C11orf65: variants seen among roughly 807,000 people sequenced by gnomAD.
C11orf65 encodes the protein protein MFI.
A neutral mutation model predicts 35.3 loss-of-function variants in C11orf65; 38 were observed. The observed-to-expected ratio is 1.08, with a 90% CI of 0.83 to 1.41. The LOEUF is 1.41. Among genes scored for constraint, C11orf65 ranks in the 40% most tolerant of loss-of-function variants. The probability of loss-of-function intolerance (pLI) is 0.00; values close to 1 mark genes in which losing one functional copy is unlikely to be tolerated. For synonymous variants in C11orf65, 105 were observed against 114.4 expected (o/e 0.92, Z 0.53); for missense variants, 370 against 367.1 (o/e 1.01, Z -0.06).
intron 3 of C11orf65, among the ~76,000 whole-genome samples, chr11:108,429,494 T>C (rs1288722595): frequency 6.6e-6 from 1 of 152,202 alleles, no homozygotes; most frequent in Non-Finnish European, 1.5e-5. Flanking sequence ...AACAGATAAC[T>C]GACAAAGGGC....
chr11:108,403,887 TG>T (rs1270182978), intron 6 of C11orf65, among the ~76,000 whole-genome samples: 2 of 152,160 alleles, frequency 1.3e-5, no homozygotes, highest in South Asian at 2.1e-4. Context: ...TAGCAGTGGC[TG>T]GGGGGAAAGG....
chr11:108,340,888 C>G (rs1025491012), intron 2 of C11orf65, among the ~76,000 whole-genome samples: 1 of 152,072 alleles, frequency 6.6e-6, no homozygotes, highest in Non-Finnish European at 1.5e-5. Flanking sequence ...AATAGTTGTA[C>G]TGTATTGGTT....
intron 3 of C11orf65, among the ~76,000 whole-genome samples, chr11:108,415,746 C>T (rs1003314988): frequency 6.6e-6 from 1 of 152,126 alleles, no homozygotes; most frequent in Non-Finnish European, 1.5e-5. Flanking sequence ...CACTGTGGTA[C>T]TGGTGAAAGA....
At chr11:108,329,721 C>T (rs549863215), downstream of C11orf65, among the ~76,000 whole-genome samples, 40 of 152,190 alleles carry the variant, frequency 2.6e-4, no homozygotes, top group African/African-American at 9.1e-4. Flanking sequence ...TGTCTTGGTC[C>T]TACTGTAGTT....
intron 2 of C11orf65, among the ~76,000 whole-genome samples, chr11:108,443,160 A>T (rs2093187029): frequency 6.6e-6 from 1 of 151,834 alleles, no homozygotes; most frequent in Non-Finnish European, 1.5e-5. Flanking sequence ...AAACAAAAAA[A>T]GCAGGGGCTA....
intron 3 of C11orf65, among the ~76,000 whole-genome samples, chr11:108,419,022 A>G (rs1338970205): frequency 6.6e-6 from 1 of 152,224 alleles, no homozygotes; most frequent in Non-Finnish European, 1.5e-5. Context: ...CTTCTGGCAC[A>G]GATGGTTTCA....
chr11:108,326,172 G>A lies in C11orf65; in HGVS notation c.641-17101C>T, dbSNP rs1591134072. 1 of 1,614,106 alleles carries A rather than the reference G, an allele frequency of 6.2e-7. No homozygotes were observed. Among genetic ancestry groups the A allele is most frequent in the Non-Finnish European group, 8.5e-7 (1 of 1,180,002 alleles). Reference sequence around the variant, plus strand: ...CTGGGCAAAAAAGGAGCAGAGTCTTGCCCTGAGTATTCTCAAGCAAATGAT... The same window carrying A: ...CTGGGCAAAAAAGGAGCAGAGTCTTACCCTGAGTATTCTCAAGCAAATGAT... On this transcript the variant is annotated intron_variant, in intron 6 of 6. Transcript: ENST00000525729.
At chr11:108,339,052 A>T (rs2087178093) in intron 2 of C11orf65, among the ~76,000 whole-genome samples, 2 of 152,190 alleles carry the variant, frequency 1.3e-5, no homozygotes, top group South Asian at 4.1e-4. Flanking sequence ...AGAGACTTGT[A>T]TATTGAGGCA....
intron 6 of C11orf65, among the ~76,000 whole-genome samples, chr11:108,314,506 TC>T (rs2084447840): frequency 6.6e-6 from 1 of 152,098 alleles, no homozygotes; most frequent in South Asian, 2.1e-4. Flanking sequence ...TTATTTCTTA[TC>T]TAATTCATGA....
chr11:108,421,393 C>T (rs556194995), intron 3 of C11orf65, among the ~76,000 whole-genome samples: 17 of 152,284 alleles, frequency 1.1e-4, no homozygotes, highest in African/African-American at 3.6e-4. Flanking sequence ...CGATAGCTCA[C>T]GCCTATAATC....
intron 2 of C11orf65, among the ~76,000 whole-genome samples, chr11:108,438,595 A>T (rs552427659): frequency 6.6e-6 from 1 of 152,272 alleles, no homozygotes; most frequent in South Asian, 2.1e-4. Flanking sequence ...TTAAAGCCAT[A>T]AAACTCCTAG....
At chr11:108,361,345 T>C (rs1369125947) in intron 2 of C11orf65, among the ~76,000 whole-genome samples, 5 of 149,226 alleles carry the variant, frequency 3.4e-5, no homozygotes, top group African/African-American at 1.2e-4. Context: ...GTAGGAAGAA[T>C]CAATATTGTG....
intron 2 of C11orf65, among the ~76,000 whole-genome samples, chr11:108,348,639 G>A (rs2088792871): frequency 6.6e-6 from 1 of 151,678 alleles, no homozygotes; most frequent in Admixed American, 6.6e-5. Context: ...TAATCACTAG[G>A]TGATAATTTT....
intron 7 of C11orf65, among the ~76,000 whole-genome samples, chr11:108,391,080 T>A (rs1264317706): frequency 6.6e-6 from 1 of 152,172 alleles, no homozygotes; most frequent in Non-Finnish European, 1.5e-5. Context: ...GGCTTCTTTT[T>A]TTCATGTTCT....
intron 1 of C11orf65, among the ~76,000 whole-genome samples, chr11:108,464,857 C>T (rs868618668): frequency 6.6e-6 from 1 of 152,082 alleles, no homozygotes; most frequent in Middle Eastern, 3.4e-3. Context: ...AATATAACTT[C>T]ATTAAAAAAA....
intron 2 of C11orf65, among the ~76,000 whole-genome samples, chr11:108,359,232 A>G (rs1358720317): frequency 2.6e-5 from 4 of 151,618 alleles, no homozygotes; most frequent in South Asian, 2.1e-4. Context: ...GATCAATTCA[A>G]CAAGAAGAGC....
At chr11:108,427,494 C>T (rs1311621186) in intron 3 of C11orf65, among the ~76,000 whole-genome samples, 22 of 151,040 alleles carry the variant, frequency 1.5e-4, no homozygotes, top group South Asian at 2.1e-4. Flanking sequence ...CCGAGACAGG[C>T]GGATCACGAG....
intron 2 of C11orf65, among the ~76,000 whole-genome samples, chr11:108,442,488 C>A (rs1485023698): frequency 1.3e-5 from 2 of 152,170 alleles, no homozygotes; most frequent in Non-Finnish European, 2.9e-5. Flanking sequence ...CACAAAGATA[C>A]TCCTCGAGAA....
intron 6 of C11orf65, among the ~76,000 whole-genome samples, chr11:108,404,533 A>G (rs1298793701): frequency 2.0e-5 from 3 of 151,338 alleles, no homozygotes; most frequent in East Asian, 1.9e-4. Flanking sequence ...TCAGCCTCCC[A>G]AGTAGCTGGG....
Sources: gnomAD v4.1 joint callset for allele counts (sites outside exome capture counted in the v4.1 genomes callset) on GRCh38, gnomAD v4.1.1 for gene constraint, MANE v1.5 for transcripts, NCBI Gene and HGNC (gene_info 2026-07-23, HGNC 2026-07-21) for gene names.